Variants in NFYC observed in about 807,000 individuals in gnomAD.
The protein encoded by NFYC is nuclear transcription factor Y subunit gamma.
NFYC carries 25 observed loss-of-function variants against 53.1 expected under a neutral mutation model. The ratio of observed to expected loss-of-function variants is 0.47; its 90% confidence interval spans 0.34 to 0.66. The LOEUF (loss-of-function observed/expected upper bound fraction) is 0.66, where lower values mean the gene tolerates loss of function less well. NFYC is among the 30% of genes least tolerant of loss of function. The pLI is 0.01. For missense variants in NFYC, 260 were observed against 422.7 expected (o/e 0.62, Z 3.38); for synonymous variants, 145 against 152.6 (o/e 0.95, Z 0.37).
At chr1:40,721,788 C>T (rs1644336672) in intron 1 of NFYC, 1 of 152,364 alleles carries the variant, frequency 6.6e-6, no homozygotes, top group Non-Finnish European at 1.5e-5. Context: ...ATCTTGAACT[C>T]CTGGGCTCAA....
intron 5 of NFYC, among the ~76,000 whole-genome samples, chr1:40,753,698 C>G (rs1432878261): frequency 2.0e-5 from 3 of 152,166 alleles, no homozygotes; most frequent in African/African-American, 7.2e-5. Context: ...TGACTGCACA[C>G]TAGAATCACC....
At chr1:40,705,034 T>C (rs1643629061) in intron 1 of NFYC, among the ~76,000 whole-genome samples, 1 of 152,264 alleles carries the variant, frequency 6.6e-6, no homozygotes, top group Admixed American at 6.5e-5. Flanking sequence ...TTTTCAATGC[T>C]TATTCAGGCA....
intron 1 of NFYC, among the ~76,000 whole-genome samples, chr1:40,711,059 C>T (rs1183889698): frequency 6.6e-6 from 1 of 152,116 alleles, no homozygotes; most frequent in Non-Finnish European, 1.5e-5. Flanking sequence ...TTACTTCCCT[C>T]CCCCCAGCAA....
intron 9 of NFYC, 60 bp downstream of exon 9, chr1:40,769,475 A>G: frequency 6.7e-7 from 1 of 1,490,172 alleles, no homozygotes; most frequent in Non-Finnish European, 9.4e-7. Context: ...GGTAGCAGGT[A>G]GTATCTGGGT....
At chr1:40,725,329 T>G (rs2148509466) in intron 1 of NFYC, among the ~76,000 whole-genome samples, 1 of 152,310 alleles carries the variant, frequency 6.6e-6, no homozygotes, top group African/African-American at 2.4e-5. Context: ...TTGGAATGTG[T>G]TCAGTATACA....
At chr1:40,731,773 C>T (rs1037444316) in intron 1 of NFYC, among the ~76,000 whole-genome samples, 9 of 152,338 alleles carry the variant, frequency 5.9e-5, no homozygotes, top group Non-Finnish European at 8.8e-5. Flanking sequence ...CGTGAGCCAC[C>T]GCGCCTGGCC....
intron 4 of NFYC, among the ~76,000 whole-genome samples, chr1:40,751,289 G>A (rs970236155): frequency 6.6e-6 from 1 of 152,212 alleles, no homozygotes; most frequent in Admixed American, 6.5e-5. Flanking sequence ...ATTACATAGT[G>A]CATGATACAA....
At chr1:40,707,474 C>A in intron 1 of NFYC, among the ~76,000 whole-genome samples, 1 of 122,864 alleles carries the variant, frequency 8.1e-6, no homozygotes, top group African/African-American at 3.1e-5. Flanking sequence ...AGTGAGACTC[C>A]ATCTCCAAAA....
chr1:40,749,398 C>A (rs1283967024), intron 3 of NFYC, among the ~76,000 whole-genome samples, 175 bp from the exon 4 acceptor site: 1 of 152,184 alleles, frequency 6.6e-6, no homozygotes, highest in Non-Finnish European at 1.5e-5. Context: ...TATTCTTTCT[C>A]CCTGTTACCT....
intron 1 of NFYC, among the ~76,000 whole-genome samples, chr1:40,705,387 G>C (rs529402107): frequency 6.6e-6 from 1 of 150,728 alleles, no homozygotes; most frequent in Non-Finnish European, 1.5e-5. Flanking sequence ...GATAAGGCCT[G>C]TTGGCCTTCT....
At chr1:40,729,649 A>T (rs1644674230) in intron 1 of NFYC, among the ~76,000 whole-genome samples, 1 of 150,520 alleles carries the variant, frequency 6.6e-6, no homozygotes, top group Admixed American at 6.6e-5. Flanking sequence ...TGTTTGGTGC[A>T]AGAGGCCTAG....
chr1:40,753,252 C>T lies in NFYC; in HGVS notation c.387+6C>T, dbSNP rs541146731. ...TGAAACCTCCAAAGCGTCAGGTGAG[C>T]TGTGAAGGGATTGCAGTTGCTGCTG... On this transcript the variant is annotated splice_donor_region_variant and intron_variant, in intron 5 of 9. Coordinates refer to ENST00000447388, the MANE Select transcript of NFYC (RefSeq NM_014223.5). The T allele has an allele frequency of 2.5e-6, 4 of 1,607,386 alleles. No homozygotes were observed. Among genetic ancestry groups the T allele is most frequent in the Admixed American group, 3.3e-5 (2 of 60,002 alleles).
intron 1 of NFYC, among the ~76,000 whole-genome samples, chr1:40,706,077 G>A (rs1053970866): frequency 1.3e-5 from 2 of 151,222 alleles, no homozygotes; most frequent in Non-Finnish European, 3.0e-5. Flanking sequence ...TGTTGAAGTT[G>A]GATAATGGTT....
chr1:40,753,217 A>G lies in NFYC; in HGVS notation c.358A>G (p.Arg120Gly). 6.2e-7 allele frequency: 1 copy of G among 1,614,054 alleles called. No individual in the cohort carries two copies. The highest frequency in any genetic ancestry group is 8.5e-7 in the Non-Finnish European group (1 of 1,179,926). ...QFDFLIDIVP[R>G]DELKPPKRQE... is the part of the protein sequence containing the mutation. ...TGATTTTCTCATCGATATTGTTCCAAGAGATGAACTGAAACCTCCAAAGCG... is the reference window on the plus strand; with the variant it reads ...TGATTTTCTCATCGATATTGTTCCAGGAGATGAACTGAAACCTCCAAAGCG... Residue 120 changes from arginine to glycine, a missense_variant, in exon 5 of 10, where the codon AGA becomes GGA. Physicochemically the swap from Arg to Gly is moderately radical, Grantham distance 125 (BLOSUM62 -2). Coordinates refer to ENST00000447388, the MANE Select transcript of NFYC (RefSeq NM_014223.5).
chr1:40,756,252 C>T (rs1434923332), intron 5 of NFYC, among the ~76,000 whole-genome samples: 1 of 152,192 alleles, frequency 6.6e-6, no homozygotes, highest in East Asian at 1.9e-4. Flanking sequence ...ACCTAGTTTC[C>T]AGGCTGACAT....
intron 2 of NFYC, among the ~76,000 whole-genome samples, chr1:40,747,244 G>GAA (rs11377810): frequency 0.017 from 2,308 of 133,424 alleles, 32 homozygotes; most frequent in African/African-American, 0.029. Flanking sequence ...TTGTGCTGAC[G>GAA]AAAAAAAAAA....
intron 1 of NFYC, among the ~76,000 whole-genome samples, chr1:40,713,198 C>T (rs894210204): frequency 6.6e-6 from 1 of 152,138 alleles, no homozygotes; most frequent in African/African-American, 2.4e-5. Context: ...CTTTTTTCCC[C>T]CCCAGGGGTG....
chr1:40,758,142 A>G lies in NFYC; in HGVS notation c.409A>G (p.Thr137Ala). 1 of 1,610,992 alleles carries G rather than the reference A, an allele frequency of 6.2e-7. No homozygotes were observed. The highest frequency in any genetic ancestry group is 8.5e-7 in the Non-Finnish European group (1 of 1,179,540). Residue 137 changes from threonine (T) to alanine (A), a missense_variant, in exon 6 of 10, where the codon ACT becomes GCT. Physicochemically the swap from Thr to Ala is moderately conservative, Grantham distance 58 (BLOSUM62 0). Coordinates refer to ENST00000447388, the MANE Select transcript of NFYC (RefSeq NM_014223.5). Reference protein sequence around the residue: ...KRQEEVRQSVTPAEPVQYYFT... With the variant: ...KRQEEVRQSVAPAEPVQYYFT... Reference sequence around the variant, plus strand: ...ACAGGAGGAGGTGCGCCAGTCTGTAACTCCTGCCGAGCCAGTCCAGTACTA... The same window carrying G: ...ACAGGAGGAGGTGCGCCAGTCTGTAGCTCCTGCCGAGCCAGTCCAGTACTA...
intron 2 of NFYC, among the ~76,000 whole-genome samples, chr1:40,744,033 G>A (rs1199955197): frequency 2.0e-5 from 3 of 152,216 alleles, no homozygotes; most frequent in Non-Finnish European, 4.4e-5. Context: ...CTGGGCCACA[G>A]ACCGGTATGG....
Sources: gnomAD v4.1 joint callset for allele counts (sites outside exome capture counted in the v4.1 genomes callset) on GRCh38, gnomAD v4.1.1 for gene constraint, MANE v1.5 for transcripts, NCBI Gene and HGNC (gene_info 2026-07-23, HGNC 2026-07-21) for gene names.